Variants in FAT4 observed in about 807,000 individuals in gnomAD.
FAT4 encodes the protein FAT atypical cadherin 4.
A neutral mutation model predicts 303.9 loss-of-function variants in FAT4; 84 were observed. The observed-to-expected ratio is 0.28, with a 90% CI of 0.23 to 0.33. The LOEUF (loss-of-function observed/expected upper bound fraction) is 0.33. Ranked by LOEUF, FAT4 falls within the 10% of genes least tolerant of loss-of-function variation. FAT4 has a pLI of 1.00. For missense variants in FAT4, 6,005 were observed against 6,146.8 expected (o/e 0.98, Z 0.77); for synonymous variants, 2,307 against 2,298.8 (o/e 1.00, Z -0.10).
chr4:125,485,408 T>C (rs576232188), intron 16 of FAT4, among the ~76,000 whole-genome samples: 1 of 152,262 alleles, frequency 6.6e-6, no homozygotes, highest in African/African-American at 2.4e-5. Flanking sequence ...TTTTAAAAGT[T>C]TTTTATTTCA....
At chr4:125,418,464 T>G (rs1328647606) in intron 7 of FAT4, among the ~76,000 whole-genome samples, 1 of 152,296 alleles carries the variant, frequency 6.6e-6, no homozygotes, top group Non-Finnish European at 1.5e-5. Context: ...TTGGAAACTC[T>G]AACTACTCCT....
chr4:125,375,172 G>T (rs984221688), intron 2 of FAT4, among the ~76,000 whole-genome samples: 2 of 152,122 alleles, frequency 1.3e-5, no homozygotes, highest in African/African-American at 2.4e-5. Flanking sequence ...TAGTGATTTA[G>T]CAACCACAAA....
chr4:125,363,431 A>G (rs976079525), intron 2 of FAT4, among the ~76,000 whole-genome samples: 4 of 151,906 alleles, frequency 2.6e-5, no homozygotes, highest in South Asian at 2.1e-4. Flanking sequence ...TTTAGATTAA[A>G]TCATACCATG....
At chr4:125,406,837 T>G (rs1734630789) in intron 3 of FAT4, 43 bp from the exon 4 acceptor site, 1 of 1,589,860 alleles carries the variant, frequency 6.3e-7, no homozygotes, top group African/African-American at 1.4e-5. Flanking sequence ...GGAGCAATGC[T>G]TTTCTACTTC....
chr4:125,376,501 T>G (rs182632710), intron 2 of FAT4, among the ~76,000 whole-genome samples: 1 of 152,192 alleles, frequency 6.6e-6, no homozygotes, highest in East Asian at 1.9e-4. Flanking sequence ...CTAATGTAAA[T>G]GACGAGTTAA....
chr4:125,316,940 A>T lies in FAT4; in HGVS notation c.529A>T (p.Ile177Phe). The change falls in exon 2 of 18, where the codon ATC becomes TTC. Residue 177 changes from isoleucine (I) to phenylalanine (F), a missense_variant. Physicochemically the swap from Ile to Phe is conservative, Grantham distance 21. Transcript: ENST00000394329. This position sits in a 1 kb window ranked among gnomAD's most constrained non-coding sequence, Gnocchi z 5.7. ...TGTGGACCACCGCTCCTACCGCATCATCCGCGGCAATGAGGCGGGGCGCTT... is the reference window on the plus strand; with the variant it reads ...TGTGGACCACCGCTCCTACCGCATCTTCCGCGGCAATGAGGCGGGGCGCTT... The part of the protein sequence containing the change: ...NGVDHRSYRI[I>F]RGNEAGRFRL... The T allele has an allele frequency of 6.2e-7, 1 of 1,613,952 alleles. No homozygotes were observed. The highest frequency in any genetic ancestry group is 8.5e-7 in the Non-Finnish European group (1 of 1,180,024).
rs1363330131 is a variant in FAT4 at position 125,491,559 on chromosome 4, G to A, written c.14743G>A (p.Ala4915Thr). Residue 4915 changes from alanine (A) to threonine (T), a missense_variant, in exon 18 of 18, where the codon GCT becomes ACT. Physicochemically the swap from Ala to Thr is moderately conservative, Grantham distance 58 (BLOSUM62 0). Coordinates refer to ENST00000394329, the MANE Select transcript of FAT4 (RefSeq NM_001291303.3). ...VGTQAAAPGT[A>T]DNTLPMKLGQ... ...CACCCAGGCAGCAGCACCAGGCACTGCTGACAACACACTGCCCATGAAGCT... is the reference window on the plus strand; with the variant it reads ...CACCCAGGCAGCAGCACCAGGCACTACTGACAACACACTGCCCATGAAGCT... The A allele has an allele frequency of 6.2e-7, 1 of 1,614,214 alleles. No individual in the cohort carries two copies. The highest frequency in any genetic ancestry group is 1.1e-5 in the South Asian group (1 of 91,082).
chr4:125,456,525 T>C (rs201259738), intron 10 of FAT4, among the ~76,000 whole-genome samples: 1 of 41,012 alleles, frequency 2.4e-5, no homozygotes, highest in Non-Finnish European at 8.0e-5. Context: ...GGCAGATAAT[T>C]AATGTCTGAC....
rs116294947 is a variant in FAT4 at position 125,353,996 on chromosome 4, C to T, written c.5175+32410C>T. Among the ~76,000 whole-genome samples, 140 of 151,554 alleles carry T rather than the reference C, an allele frequency of 9.2e-4. 1 individual carries two copies. The highest frequency in any genetic ancestry group is 3.1e-3 in the African/African-American group (128 of 41,420). On this transcript the variant is annotated intron_variant, in intron 2 of 17. Transcript: ENST00000394329. The stretch of plus-strand genomic sequence containing the variant: ...GACAGATGTTTATGCTGTTATTCAG[C>T]GAATCTTGCAAAAGTGAGTGTAATT...
At chr4:125,476,403 G>T (rs2126083138) in intron 13 of FAT4, 147 bp downstream of exon 13, 1 of 357,126 alleles carries the variant, frequency 2.8e-6, no homozygotes, top group South Asian at 8.0e-5. Context: ...ATATAAAATA[G>T]TCAATAATTA....
chr4:125,339,688 C>T (rs1172392630), intron 2 of FAT4, among the ~76,000 whole-genome samples: 3 of 152,084 alleles, frequency 2.0e-5, no homozygotes, highest in African/African-American at 7.2e-5. Flanking sequence ...TACCATTTCA[C>T]TGATGAGAAA....
rs1730583366 is a variant in FAT4 at position 125,316,331 on chromosome 4, G to T, written c.-12-69G>T. ...AGCCGTCAGCTGAATCTTTGCTGGC[G>T]CTCCTTAATCCCTGTAAATATCATT... On this transcript the variant is annotated intron_variant, in intron 1 of 17. Transcript: ENST00000394329. The surrounding 1 kb of genome is among the most constrained non-coding windows in gnomAD (Gnocchi z 5.7). 1.3e-6 allele frequency: 2 copies of T among 1,491,696 alleles called. No individual in the cohort carries two copies. The highest frequency in any genetic ancestry group is 2.3e-5 in the East Asian group (1 of 43,802). The allele number at this position is 1,491,696 out of a possible 1,614,324, so 92.4% of individuals were successfully genotyped here.
chr4:125,338,749 G>C (rs990922382), intron 2 of FAT4, among the ~76,000 whole-genome samples: 3 of 151,956 alleles, frequency 2.0e-5, no homozygotes, highest in African/African-American at 7.3e-5. Context: ...TTTGGTTTTT[G>C]CATTTCATAA....
intron 2 of FAT4, among the ~76,000 whole-genome samples, chr4:125,379,971 G>A (rs112165962): frequency 7.9e-5 from 12 of 152,158 alleles, no homozygotes; most frequent in African/African-American, 2.2e-4. Flanking sequence ...TGGGCTCACC[G>A]CAACCTCCAC....
rs1230796067 is a variant in FAT4 at position 125,444,549 on chromosome 4, T to G, written c.7200-1744T>G. Among the ~76,000 whole-genome samples, 3 of 152,148 alleles carry G rather than the reference T, an allele frequency of 2.0e-5. No individual in the cohort carries two copies. The East Asian group carries it at 5.8e-4, about 29-fold the overall frequency. The stretch of plus-strand genomic sequence containing the variant: ...AGGAACATTTAAATGATAGCAAGTC[T>G]TTTTGAATGGATCATTTAGTGAAAC... On this transcript the variant is annotated intron_variant, in intron 8 of 17. Transcript: ENST00000394329.
rs1276698320 is a variant in FAT4 at position 125,408,632 on chromosome 4, G to T, written c.5758G>T (p.Asp1920Tyr). 2 of 1,611,684 alleles carry T rather than the reference G, an allele frequency of 1.2e-6. No individual in the cohort carries two copies. Among genetic ancestry groups the T allele is most frequent in the Non-Finnish European group, 1.7e-6 (2 of 1,178,312 alleles). ...QYYILTVRAEDGGGQFTTIRV... is the reference protein window; with the variant it reads ...QYYILTVRAEYGGGQFTTIRV... Reference sequence around the variant, plus strand: ...TTATATCCTCACTGTTCGAGCAGAAGATGGTGGGGGACAATTTACTACCAT... The same window carrying T: ...TTATATCCTCACTGTTCGAGCAGAATATGGTGGGGGACAATTTACTACCAT... The change falls in exon 5 of 18, where the codon GAT becomes TAT. Residue 1920 changes from aspartate to tyrosine, a missense_variant. Asp to Tyr is a radical substitution (Grantham distance 160). Coordinates refer to ENST00000394329, the MANE Select transcript of FAT4 (RefSeq NM_001291303.3).
chr4:125,371,721 T>G (rs1364090450), intron 2 of FAT4, among the ~76,000 whole-genome samples: 1 of 150,562 alleles, frequency 6.6e-6, no homozygotes, highest in African/African-American at 2.4e-5. Flanking sequence ...TTAATTAATA[T>G]ATAAATATAT....
In FAT4 at chr4:125,446,419, G is replaced by A. The variant is rs201829586; in HGVS notation, c.7326G>A (p.Ala2442=). 1.7e-4 allele frequency: 270 copies of A among 1,613,392 alleles called. 3 individuals carry two copies. In the South Asian group the frequency reaches 1.7e-3, roughly 10 times the overall value. ...CTTTGGTAGTGGTCTGCAGTGATGC[G>A]GGATCCCCAGAGCCTCTTTCCAGTT... ...NYTLVVVCSD[A]GSPEPLSSST... Residue 2442 remains alanine, a synonymous_variant, in exon 9 of 18, where the codon GCG becomes GCA. Transcript: ENST00000394329.
chr4:125,403,491 A>G (rs1002822335), intron 3 of FAT4, among the ~76,000 whole-genome samples: 5 of 152,038 alleles, frequency 3.3e-5, no homozygotes, highest in African/African-American at 1.2e-4. Context: ...TTCAGTCCTT[A>G]TATGAGTGTT....
Sources: gnomAD v4.1 joint callset for allele counts (sites outside exome capture counted in the v4.1 genomes callset) on GRCh38, gnomAD v4.1.1 for gene constraint, Gnocchi (gnomAD v3.1) non-coding constraint, MANE v1.5 for transcripts, NCBI Gene and HGNC (gene_info 2026-07-23, HGNC 2026-07-21) for gene names.